The following CELF4 variants were observed in gnomAD, a reference collection of about 807,000 sequenced individuals.
The protein encoded by CELF4 is CUGBP Elav-like family member 4.
Under a neutral mutation model 59.9 loss-of-function variants are expected in CELF4, and 18 were observed. The observed-to-expected ratio is 0.30, with a 90% confidence interval of 0.21 to 0.45. The LOEUF is 0.45. Among genes scored for constraint, CELF4 ranks in the 20% least tolerant of loss-of-function variants. The pLI is 1.00. For synonymous variants in CELF4, 261 were observed against 267.1 expected (o/e 0.98, Z 0.22); for missense variants, 456 against 689.0 (o/e 0.66, Z 3.79).
intron 9 of CELF4, among the ~76,000 whole-genome samples, chr18:37,264,967 C>CGT (rs375319008): frequency 5.3e-5 from 8 of 151,502 alleles, no homozygotes; most frequent in African/African-American, 1.5e-4. Flanking sequence ...GGTGTGTGTA[C>CGT]GTGTGTGTGT....
chr18:37,533,665 AAAG>A (rs2154605156), intron 1 of CELF4, among the ~76,000 whole-genome samples: 1 of 152,382 alleles, frequency 6.6e-6, no homozygotes, highest in Non-Finnish European at 1.5e-5. Context: ...AAATGACAAA[AAAG>A]AAGATAATAA....
intron 1 of CELF4, among the ~76,000 whole-genome samples, chr18:37,561,655 C>T (rs1405281560): frequency 6.6e-6 from 1 of 152,132 alleles, no homozygotes; most frequent in African/African-American, 2.4e-5. Context: ...TCTTCAGACA[C>T]TGCCTCTTTT....
chr18:37,558,236 C>T (rs961409782), intron 1 of CELF4, among the ~76,000 whole-genome samples: 1 of 151,970 alleles, frequency 6.6e-6, no homozygotes, highest in Non-Finnish European at 1.5e-5. Flanking sequence ...TGGCTTCCTT[C>T]TTTGTTCCTG....
chr18:37,400,550 A>G (rs1050993858), intron 2 of CELF4, among the ~76,000 whole-genome samples: 4 of 152,228 alleles, frequency 2.6e-5, no homozygotes, highest in Non-Finnish European at 5.9e-5. Flanking sequence ...GAGAAGAATC[A>G]TTGGTAGTTA....
intron 2 of CELF4, among the ~76,000 whole-genome samples, chr18:37,372,664 T>A (rs2098914970): frequency 6.6e-6 from 1 of 151,446 alleles, no homozygotes; most frequent in African/African-American, 2.4e-5. Context: ...ATGAAAAAAA[T>A]AACCATATAT....
At chr18:37,432,962 C>G (rs1379617077) in intron 2 of CELF4, among the ~76,000 whole-genome samples, 1 of 152,214 alleles carries the variant, frequency 6.6e-6, no homozygotes, top group African/African-American at 2.4e-5. Context: ...GCTTCTAATG[C>G]CTGTCTCCTG....
chr18:37,458,857 C>T (rs965159258), intron 2 of CELF4, among the ~76,000 whole-genome samples: 1 of 152,244 alleles, frequency 6.6e-6, no homozygotes, highest in Admixed American at 6.5e-5. Flanking sequence ...CAGAGTTACT[C>T]CTTGCTTGCA....
intron 2 of CELF4, among the ~76,000 whole-genome samples, chr18:37,416,191 C>CATCT (rs1327927355): frequency 2.0e-5 from 3 of 150,844 alleles, no homozygotes; most frequent in Non-Finnish European, 4.4e-5. Context: ...TCCATCCATC[C>CATCT]ATCCGTCCAT....
At chr18:37,366,999 T>A (rs899061347) in intron 2 of CELF4, among the ~76,000 whole-genome samples, 1 of 152,212 alleles carries the variant, frequency 6.6e-6, no homozygotes, top group Non-Finnish European at 1.5e-5. Flanking sequence ...TGTGGGATCA[T>A]CTTGAAAAGG....
At chr18:37,353,031 C>T (rs771771885) in intron 2 of CELF4, among the ~76,000 whole-genome samples, 1 of 151,998 alleles carries the variant, frequency 6.6e-6, no homozygotes, top group Non-Finnish European at 1.5e-5. Flanking sequence ...ACCATCCTGG[C>T]TAACACGGTG....
chr18:37,321,291 C>G (rs1473059191), intron 3 of CELF4, among the ~76,000 whole-genome samples: 2 of 152,180 alleles, frequency 1.3e-5, no homozygotes, highest in Non-Finnish European at 2.9e-5. Context: ...GTGTCCTTCC[C>G]CTCTGTCCCT....
At chr18:37,390,142 C>G (rs1330564489) in intron 2 of CELF4, among the ~76,000 whole-genome samples, 1 of 152,250 alleles carries the variant, frequency 6.6e-6, no homozygotes, top group Non-Finnish European at 1.5e-5. Context: ...TCCACGCCCC[C>G]TCCCCACATG....
intron 1 of CELF4, among the ~76,000 whole-genome samples, chr18:37,527,212 T>TA (rs1052088408): frequency 3.3e-5 from 5 of 151,752 alleles, no homozygotes; most frequent in Non-Finnish European, 4.4e-5. Context: ...AAGCCAAAAA[T>TA]ACCAGCCGCA....
rs2098598576 is a variant in CELF4 at position 37,356,942 on chromosome 18, G to A, written c.370-35061C>T. Among the ~76,000 whole-genome samples, 3 of 152,128 alleles carry A rather than the reference G, an allele frequency of 2.0e-5. No homozygotes were observed. In the South Asian group the frequency reaches 6.2e-4, roughly 32 times the overall value. ...TTTTTCCTACACTCTTCCTCTCCCAGAGGCCTGTACTCTGCCCCTTTTGCA... is the reference window on the plus strand; with the variant it reads ...TTTTTCCTACACTCTTCCTCTCCCAAAGGCCTGTACTCTGCCCCTTTTGCA... On this transcript the variant is annotated intron_variant, in intron 2 of 12. Transcript: ENST00000420428.
intron 2 of CELF4, among the ~76,000 whole-genome samples, chr18:37,405,388 C>T (rs2099376190): frequency 6.6e-6 from 1 of 152,222 alleles, no homozygotes; most frequent in African/African-American, 2.4e-5. Flanking sequence ...TGCTCAGTCT[C>T]AGGACTGGGT....
chr18:37,263,442 T>C (rs1310329821), intron 10 of CELF4, among the ~76,000 whole-genome samples: 1 of 152,038 alleles, frequency 6.6e-6, no homozygotes, highest in Non-Finnish European at 1.5e-5. Context: ...TTGGAGGCCA[T>C]CGGAAGGCTC....
At chr18:37,457,203 T>C (rs990982685) in intron 2 of CELF4, among the ~76,000 whole-genome samples, 1 of 152,162 alleles carries the variant, frequency 6.6e-6, no homozygotes, top group Admixed American at 6.5e-5. Context: ...CCTGTGGCCT[T>C]TGTTGCCTCC....
chr18:37,309,726 A>C (rs1295185896), intron 3 of CELF4, among the ~76,000 whole-genome samples: 1 of 151,866 alleles, frequency 6.6e-6, no homozygotes, highest in Non-Finnish European at 1.5e-5. Context: ...TGTCAGCAGC[A>C]ATGAGATTCA....
rs1297377213 is a variant in CELF4, at chr18:37,427,582, C to A, written c.369+57943G>T. On this transcript the variant is annotated intron_variant, in intron 2 of 12. Transcript: ENST00000420428. ...CTCTCTGCAGGCTCCCCAGCCCTGA[C>A]CCCCAACCTGACCTCATCTCCTCTT... Among the ~76,000 whole-genome samples, 3 of 152,114 alleles carry A rather than the reference C, an allele frequency of 2.0e-5. No individual in the cohort carries two copies. In the East Asian group the frequency reaches 5.8e-4, roughly 29 times the overall value.
Sources: gnomAD v4.1 joint callset for allele counts (sites outside exome capture counted in the v4.1 genomes callset) on GRCh38, gnomAD v4.1.1 for gene constraint, MANE v1.5 for transcripts, NCBI Gene and HGNC (gene_info 2026-07-23, HGNC 2026-07-21) for gene names.